PBK: variants seen among roughly 807,000 people sequenced by gnomAD.
The protein encoded by PBK is lymphokine-activated killer T-cell-originated protein kinase.
Under a neutral mutation model 33.5 loss-of-function variants are expected in PBK, and 22 were observed. That is an observed-to-expected ratio of 0.66 (90% CI 0.47 to 0.94). The LOEUF is 0.94. Among genes scored for constraint, PBK ranks in the 40% least tolerant of loss-of-function variants. The pLI is 0.00. For missense variants in PBK, 376 were observed against 383.4 expected, an observed-to-expected ratio of 0.98 and a Z score of 0.16; for synonymous variants, 129 against 123.8, an observed-to-expected ratio of 1.04 and a Z score of -0.28.
intron 3 of PBK, among the ~76,000 whole-genome samples, chr8:27,824,495 GA>G (rs1291590690): frequency 6.6e-6 from 1 of 151,788 alleles, no homozygotes; most frequent in African/African-American, 2.4e-5. Context: ...AGATACAAGA[GA>G]AAAAATATGT....
intron 4 of PBK, 125 bp from the exon 5 acceptor site, chr8:27,822,613 A>T: frequency 1.7e-6 from 1 of 596,170 alleles, no homozygotes. Flanking sequence ...TGAAACAGCT[A>T]CTATTTACAA....
intron 6 of PBK, among the ~76,000 whole-genome samples, chr8:27,820,102 C>A (rs1019483912): frequency 1.3e-5 from 2 of 152,102 alleles, no homozygotes; most frequent in Non-Finnish European, 2.9e-5. Context: ...TCTTAAATTC[C>A]CTGAGAAGCT....
intron 2 of PBK, among the ~76,000 whole-genome samples, chr8:27,831,553 G>A (rs573731650): frequency 3.9e-5 from 6 of 152,090 alleles, no homozygotes; most frequent in African/African-American, 1.2e-4. Flanking sequence ...GTAGAACATT[G>A]ACATTTGTAG....
At chr8:27,823,678 A>T (rs1488451824) in intron 3 of PBK, among the ~76,000 whole-genome samples, 2 of 152,052 alleles carry the variant, frequency 1.3e-5, no homozygotes, top group Non-Finnish European at 2.9e-5. Context: ...GCTCCCCTAC[A>T]CTGACCAATT....
At chr8:27,815,451 A>C (rs1223113991) in intron 6 of PBK, among the ~76,000 whole-genome samples, 1 of 152,200 alleles carries the variant, frequency 6.6e-6, no homozygotes, top group Non-Finnish European at 1.5e-5. Context: ...GTAGCCATGG[A>C]CATTATAAGC....
chr8:27,812,043 G>A (rs1434416399), intron 6 of PBK: 1 of 152,018 alleles, frequency 6.6e-6, no homozygotes, highest in Non-Finnish European at 1.5e-5. Context: ...GGACAGTTTC[G>A]TCTCCTTTCC....
At position 27,810,458 on chromosome 8, in the gene PBK, A is replaced by G. The variant is rs1238999845; in HGVS notation, c.816T>C (p.Tyr272=). ...DESDFDDEAY[Y]AALGTRPPIN... is the part of the protein sequence containing the mutation. ...TAGGTGGCCTAGTTCCCAACGCTGC[A>G]TAGTATGCTTCATCATCAAAATCAC... The change falls in exon 8 of 8, where the codon TAT becomes TAC. Residue 272 remains tyrosine, a synonymous_variant. Transcript: ENST00000301905. The G allele has an allele frequency of 1.2e-6, 2 of 1,608,382 alleles. No homozygotes were observed. Among genetic ancestry groups the G allele is most frequent in the Admixed American group, 1.7e-5 (1 of 59,494 alleles).
chr8:27,826,574 A>C (rs990930774), intron 3 of PBK, among the ~76,000 whole-genome samples: 1 of 145,682 alleles, frequency 6.9e-6, no homozygotes, highest in Non-Finnish European at 1.5e-5. Context: ...AGGCGGGCGG[A>C]TCACGAGGTC....
intron 5 of PBK, among the ~76,000 whole-genome samples, chr8:27,821,245 T>C (rs1214803301): frequency 6.6e-6 from 1 of 152,152 alleles, no homozygotes; most frequent in African/African-American, 2.4e-5. Context: ...TTTATACTTA[T>C]AAAATAAATA....
At chr8:27,811,501 C>G (rs1183171240) in intron 6 of PBK, among the ~76,000 whole-genome samples, 15 of 152,146 alleles carry the variant, frequency 9.9e-5, no homozygotes, top group African/African-American at 2.9e-4. Context: ...ACCTGAATTT[C>G]TTCATTTTGT....
chr8:27,822,924 A>G (rs1805957165), intron 4 of PBK, 139 bp downstream of exon 4: 2 of 572,012 alleles, frequency 3.5e-6, no homozygotes, highest in Non-Finnish European at 6.1e-6. Flanking sequence ...TTTTAGACCA[A>G]TCACATTAAT....
At chr8:27,833,971 A>G (rs1806180014) in intron 1 of PBK, among the ~76,000 whole-genome samples, 1 of 152,162 alleles carries the variant, frequency 6.6e-6, no homozygotes, top group Non-Finnish European at 1.5e-5. Context: ...ATGAACCTTG[A>G]AAACATTATA....
intron 3 of PBK, among the ~76,000 whole-genome samples, chr8:27,823,617 G>T (rs1805971797): frequency 6.6e-6 from 1 of 151,920 alleles, no homozygotes; most frequent in Non-Finnish European, 1.5e-5. Flanking sequence ...AGATAATCAA[G>T]AACATTTTAC....
At chr8:27,823,241 A>G in intron 3 of PBK, 36 bp from the exon 4 acceptor site, 4 of 1,317,166 alleles carry the variant, frequency 3.0e-6, no homozygotes, top group Non-Finnish European at 4.2e-6. Flanking sequence ...GATAGAAAAC[A>G]ATAAAACCAC....
chr8:27,819,786 C>CT (rs1348731475), intron 6 of PBK, among the ~76,000 whole-genome samples: 1 of 152,052 alleles, frequency 6.6e-6, no homozygotes, highest in Admixed American at 6.5e-5. Context: ...CTTTTACTTT[C>CT]TAAAGTTCCC....
chr8:27,833,169 T>C, intron 1 of PBK, 36 bp from the exon 2 acceptor site: 1 of 1,097,310 alleles, frequency 9.1e-7, no homozygotes. Context: ...ACACAGCAGA[T>C]ATAAAGAATA....
rs200537801 is a variant in PBK at position 27,824,386 on chromosome 8, GT to G, written c.153-1182del. On this transcript the variant is annotated intron_variant, in intron 3 of 7. Coordinates refer to ENST00000301905, the MANE Select transcript of PBK (RefSeq NM_018492.4). ...GAATACTCAACCATGCAAAAAGCTGGTTCATTAAAAAGACTAATAGAAAAAA... is the reference window on the plus strand; with the variant it reads ...GAATACTCAACCATGCAAAAAGCTGGTCATTAAAAAGACTAATAGAAAAAA... Among the ~76,000 whole-genome samples, 1,435 of 151,890 alleles carry G rather than the reference GT, an allele frequency of 9.4e-3. 17 individuals carry two copies. Among genetic ancestry groups the G allele is most frequent in the African/African-American group, 0.032 (1,328 of 41,442 alleles).
intron 6 of PBK, among the ~76,000 whole-genome samples, chr8:27,813,541 A>G (rs1805743754): frequency 1.3e-5 from 2 of 152,154 alleles, no homozygotes; most frequent in Admixed American, 6.5e-5. Context: ...AAGGTATACA[A>G]CTTGATGTTT....
Position 27,820,629 on chromosome 8 carries a change from G to A in PBK, c.531C>T (p.Gly177=), listed in dbSNP as rs770742289. 1.5e-5 allele frequency: 24 copies of A among 1,553,864 alleles called. No homozygotes were observed. In the East Asian group the frequency reaches 2.9e-4, roughly 19 times the overall value. The change falls in exon 6 of 8, where the codon GGC becomes GGT. Residue 177 remains glycine, a synonymous_variant. Transcript: ENST00000301905. ...CACAGATTTTAATTGTTTCAAAATC[G>A]CCTTTAATTACAACATTTGAAGACT... ...DIKSSNVVIK[G]DFETIKICDV...
Sources: allele counts gnomAD v4.1 joint callset (sites outside exome capture counted in the v4.1 genomes callset), GRCh38; gene constraint gnomAD v4.1.1; transcripts MANE v1.5; gene names NCBI Gene and HGNC (gene_info 2026-07-23, HGNC 2026-07-21).